The following FUT9 variants were observed in gnomAD, a reference collection of about 807,000 sequenced individuals.
FUT9 encodes fucosyltransferase 9.
In FUT9, 15 loss-of-function variants were observed where a neutral mutation model predicts 29.7. That is an observed-to-expected ratio of 0.51 (90% CI 0.34 to 0.78). FUT9 has a LOEUF of 0.78. Ranked by LOEUF, FUT9 falls within the 30% of genes least tolerant of loss-of-function variation. The pLI is 0.01. For synonymous variants in FUT9, 169 were observed against 153.7 expected (o/e 1.10, Z -0.74); for missense variants, 319 against 425.4 (o/e 0.75, Z 2.20).
intron 2 of FUT9, among the ~76,000 whole-genome samples, chr6:96,174,283 G>C (rs535426566): frequency 6.6e-6 from 1 of 152,066 alleles, no homozygotes; most frequent in Non-Finnish European, 1.5e-5. Context: ...AGATGTTAAA[G>C]AAACTTAGAT....
chr6:96,204,997 T>C lies in FUT9; in HGVS notation c.*762T>C, dbSNP rs1773801176. ...ACTTTAGAAAATCTAAGACAGTTCTTTCTGCTACTGATGACACTCATTGTC... is the reference window on the plus strand; with the variant it reads ...ACTTTAGAAAATCTAAGACAGTTCTCTCTGCTACTGATGACACTCATTGTC... On this transcript the variant is annotated 3_prime_UTR_variant, in exon 3 of 3. Transcript: ENST00000302103. The C allele has an allele frequency of 6.1e-6, 1 of 164,086 alleles. No individual in the cohort carries two copies. Among genetic ancestry groups the C allele is most frequent in the African/African-American group, 2.4e-5 (1 of 41,410 alleles). 10.2% of individuals were successfully genotyped at this position (164,086 alleles called of 1,614,324 possible).
chr6:96,058,074 A>G (rs1435700107), intron 1 of FUT9, among the ~76,000 whole-genome samples: 1 of 152,014 alleles, frequency 6.6e-6, no homozygotes, highest in Non-Finnish European at 1.5e-5. Flanking sequence ...TCTACTTTTT[A>G]TAACGGGTCA....
intron 1 of FUT9, among the ~76,000 whole-genome samples, chr6:96,059,458 GGA>G (rs1770834573): frequency 6.6e-6 from 1 of 152,160 alleles, no homozygotes; most frequent in African/African-American, 2.4e-5. Flanking sequence ...ATTTTACTCT[GGA>G]CCATGTGTAT....
intron 1 of FUT9, among the ~76,000 whole-genome samples, chr6:96,039,394 T>G (rs1349422277): frequency 6.6e-6 from 1 of 152,106 alleles, no homozygotes; most frequent in Non-Finnish European, 1.5e-5. Context: ...CTACCTACTC[T>G]CCATTAGCTC....
chr6:96,070,060 T>C (rs191188358), intron 1 of FUT9, among the ~76,000 whole-genome samples: 4 of 152,160 alleles, frequency 2.6e-5, no homozygotes, highest in African/African-American at 9.7e-5. Context: ...CAAACAATAG[T>C]GAATGAATTA....
At chr6:96,163,812 C>G (rs1289196981) in intron 2 of FUT9, among the ~76,000 whole-genome samples, 1 of 152,214 alleles carries the variant, frequency 6.6e-6, no homozygotes, top group Non-Finnish European at 1.5e-5. Flanking sequence ...GCACAAGCCA[C>G]TGTGCCCAGC....
chr6:96,046,888 T>A (rs972624339), intron 1 of FUT9, among the ~76,000 whole-genome samples: 88 of 152,282 alleles, frequency 5.8e-4, no homozygotes, highest in African/African-American at 2.1e-3. Context: ...TTTGAAAAAA[T>A]TATCAGAGTG....
At chr6:96,081,723 T>C (rs1257806482) in intron 1 of FUT9, among the ~76,000 whole-genome samples, 1 of 151,898 alleles carries the variant, frequency 6.6e-6, no homozygotes, top group Non-Finnish European at 1.5e-5. Context: ...GATTTCCACA[T>C]GTTCAAATGC....
intron 2 of FUT9, among the ~76,000 whole-genome samples, chr6:96,186,164 C>G (rs1018675921): frequency 5.9e-5 from 9 of 152,034 alleles, no homozygotes; most frequent in Non-Finnish European, 1.0e-4. Flanking sequence ...ATAATCTATA[C>G]TTTTATCATA....
At chr6:96,194,884 G>C (rs1582302226) in intron 2 of FUT9, among the ~76,000 whole-genome samples, 1 of 152,094 alleles carries the variant, frequency 6.6e-6, no homozygotes, top group African/African-American at 2.4e-5. Context: ...CCAAAGGCAC[G>C]TGGAGCATGA....
chr6:96,027,358 A>C (rs1331348105), intron 1 of FUT9, among the ~76,000 whole-genome samples: 1 of 151,650 alleles, frequency 6.6e-6, no homozygotes, highest in Non-Finnish European at 1.5e-5. Flanking sequence ...TTCTTTTTCA[A>C]AGAGGTAGAC....
intron 1 of FUT9, among the ~76,000 whole-genome samples, chr6:96,091,548 C>A (rs1481613514): frequency 6.6e-6 from 1 of 152,018 alleles, no homozygotes; most frequent in Non-Finnish European, 1.5e-5. Context: ...ATGGGTATGA[C>A]AATGGTATTG....
At chr6:96,202,984 A>C (rs551775653) in intron 2 of FUT9, among the ~76,000 whole-genome samples, 164 bp from the exon 3 acceptor site, 3 of 152,286 alleles carry the variant, frequency 2.0e-5, no homozygotes, top group Admixed American at 6.5e-5. Flanking sequence ...GGCTTTGAGG[A>C]AAGTTCTGTT....
intron 1 of FUT9, among the ~76,000 whole-genome samples, chr6:96,088,963 G>C (rs1035699770): frequency 1.5e-5 from 2 of 136,264 alleles, no homozygotes; most frequent in African/African-American, 5.8e-5. Context: ...ATTTCCTTTT[G>C]AGGACTGTTT....
chr6:96,052,827 A>G (rs72924183), intron 1 of FUT9, among the ~76,000 whole-genome samples: 5,842 of 152,120 alleles, frequency 0.038, 158 homozygotes, highest in South Asian at 0.12. Flanking sequence ...AAATTTGTCA[A>G]CTTTTCTTCA....
At chr6:96,167,501 T>C (rs1773035609) in intron 2 of FUT9, among the ~76,000 whole-genome samples, 1 of 152,188 alleles carries the variant, frequency 6.6e-6, no homozygotes, top group African/African-American at 2.4e-5. Flanking sequence ...TAATTATTCA[T>C]TCATTCACTC....
intron 2 of FUT9, among the ~76,000 whole-genome samples, chr6:96,198,697 A>G (rs1403196083): frequency 2.0e-5 from 3 of 152,158 alleles, no homozygotes; most frequent in Non-Finnish European, 2.9e-5. Flanking sequence ...CGCCACACTG[A>G]CTTCCACAAT....
intron 2 of FUT9, among the ~76,000 whole-genome samples, chr6:96,154,094 CACA>C (rs1378954802): frequency 1.2e-4 from 18 of 152,182 alleles, no homozygotes; most frequent in Non-Finnish European, 7.3e-5. Context: ...ATCTGTTTGA[CACA>C]ACATTTGCTT....
At chr6:96,200,271 G>A (rs1486948137) in intron 2 of FUT9, among the ~76,000 whole-genome samples, 1 of 152,128 alleles carries the variant, frequency 6.6e-6, no homozygotes, top group African/African-American at 2.4e-5. Flanking sequence ...TCGTTAAATA[G>A]TTCTTAATTA....
Sources: gnomAD v4.1 joint callset for allele counts (sites outside exome capture counted in the v4.1 genomes callset) on GRCh38, gnomAD v4.1.1 for gene constraint, MANE v1.5 for transcripts, NCBI Gene and HGNC (gene_info 2026-07-23, HGNC 2026-07-21) for gene names.